Variants in SPAG16 observed in about 807,000 individuals in gnomAD.
SPAG16 encodes sperm associated antigen 16, also known as sperm-associated antigen 16 protein.
A neutral mutation model predicts 80.4 loss-of-function variants in SPAG16; 86 were observed. The ratio of observed to expected loss-of-function variants is 1.07; its 90% CI spans 0.90 to 1.28. SPAG16 has a LOEUF of 1.28. Ranked by LOEUF, SPAG16 falls within the 50% of genes most tolerant of loss-of-function variation. The pLI is 0.00. For synonymous variants in SPAG16, 294 were observed against 265.9 expected (o/e 1.11, Z -1.03); for missense variants, 870 against 765.3 (o/e 1.14, Z -1.61).
At chr2:213,830,607 G>T (rs2073578668) in intron 10 of SPAG16, among the ~76,000 whole-genome samples, 1 of 152,032 alleles carries the variant, frequency 6.6e-6, no homozygotes, top group Non-Finnish European at 1.5e-5. Flanking sequence ...TCTTTTATTA[G>T]TAAATTATTA....
chr2:213,798,634 T>G (rs1233010384), intron 10 of SPAG16, among the ~76,000 whole-genome samples: 2 of 152,176 alleles, frequency 1.3e-5, no homozygotes, highest in Non-Finnish European at 2.9e-5. Context: ...CTTGTACTTT[T>G]AATACAATCT....
chr2:213,365,838 A>G (rs901581528), intron 8 of SPAG16, among the ~76,000 whole-genome samples: 2 of 151,952 alleles, frequency 1.3e-5, no homozygotes, highest in African/African-American at 4.8e-5. Context: ...CCATAAAGGC[A>G]TCTAGTCTAA....
At chr2:213,928,073 A>G (rs570625047) in intron 11 of SPAG16, among the ~76,000 whole-genome samples, 5 of 152,196 alleles carry the variant, frequency 3.3e-5, no homozygotes, top group African/African-American at 7.2e-5. Flanking sequence ...TGAAAAATCA[A>G]TTGGATCTTC....
intron 10 of SPAG16, among the ~76,000 whole-genome samples, chr2:213,541,064 C>T (rs1435289533): frequency 6.6e-6 from 1 of 152,218 alleles, no homozygotes; most frequent in Non-Finnish European, 1.5e-5. Context: ...CTAATTCTGC[C>T]ATTGATTAGG....
At chr2:214,233,237 CTCTT>C (rs1000255333) in intron 15 of SPAG16, among the ~76,000 whole-genome samples, 3 of 151,910 alleles carry the variant, frequency 2.0e-5, no homozygotes, top group Non-Finnish European at 1.5e-5. Flanking sequence ...TGGCAATAGT[CTCTT>C]TCTTGACCTG....
intron 9 of SPAG16, among the ~76,000 whole-genome samples, chr2:213,395,321 G>A (rs1422910928): frequency 6.6e-6 from 1 of 151,868 alleles, no homozygotes; most frequent in African/African-American, 2.4e-5. Context: ...TTAAATTATT[G>A]ATTTGACTTT....
intron 12 of SPAG16, among the ~76,000 whole-genome samples, chr2:213,965,364 T>C (rs749838733): frequency 6.6e-6 from 1 of 152,208 alleles, no homozygotes; most frequent in African/African-American, 2.4e-5. Flanking sequence ...ATTTCTCACA[T>C]CTTCCTTTTA....
chr2:214,022,071 C>A (rs1254623852), intron 13 of SPAG16, among the ~76,000 whole-genome samples: 1 of 151,974 alleles, frequency 6.6e-6, no homozygotes, highest in African/African-American at 2.4e-5. Context: ...AACTTTGTAC[C>A]CCGTAGAATT....
At chr2:213,435,237 T>A (rs910789474) in intron 9 of SPAG16, among the ~76,000 whole-genome samples, 2 of 152,202 alleles carry the variant, frequency 1.3e-5, no homozygotes, top group African/African-American at 4.8e-5. Context: ...GATGTCATTG[T>A]CTTAAGTGAA....
intron 15 of SPAG16, among the ~76,000 whole-genome samples, chr2:214,153,123 A>G (rs1200811633): frequency 6.6e-6 from 1 of 151,990 alleles, no homozygotes; most frequent in Non-Finnish European, 1.5e-5. Flanking sequence ...CGGTCTGCTA[A>G]GTAGTGGGTG....
chr2:214,208,436 G>T lies in SPAG16; in HGVS notation c.1720+59170G>T, dbSNP rs527663516. Among the ~76,000 whole-genome samples the T allele has an allele frequency of 2.6e-5, 4 of 152,238 alleles. No individual in the cohort carries two copies. The South Asian group carries it at 6.2e-4, about 24-fold the overall frequency. ...GTATGGAGAATACTGATAGTCCTTG[G>T]CATGAACTGTGTAGACATGCTCAAA... On this transcript the variant is annotated intron_variant, in intron 15 of 15. Transcript: ENST00000331683.
Position 214,205,454 on chromosome 2 carries a change from A to G in SPAG16, c.1720+56188A>G, listed in dbSNP as rs574508825. Among the ~76,000 whole-genome samples the G allele has an allele frequency of 3.3e-5, 5 of 152,308 alleles. No individual in the cohort carries two copies. The South Asian group carries it at 1.0e-3, about 32-fold the overall frequency. Reference sequence around the variant, plus strand: ...AGATCCTGAAAAACATAATAATTTCATATGTTCAATTTTATATTTGTGACT... The same window carrying G: ...AGATCCTGAAAAACATAATAATTTCGTATGTTCAATTTTATATTTGTGACT... On this transcript the variant is annotated intron_variant, in intron 15 of 15. Transcript: ENST00000331683.
chr2:214,104,521 G>A (rs2053269240), intron 13 of SPAG16, among the ~76,000 whole-genome samples: 3 of 152,094 alleles, frequency 2.0e-5, no homozygotes, highest in Admixed American at 2.0e-4. Context: ...GCTGGGCAGA[G>A]TAGGGCTGTA....
chr2:213,710,925 A>G (rs1468277559), intron 10 of SPAG16, among the ~76,000 whole-genome samples: 1 of 152,254 alleles, frequency 6.6e-6, no homozygotes, highest in African/African-American at 2.4e-5. Context: ...GCAAACAGAA[A>G]GTAAACAGCA....
chr2:214,106,441 A>G (rs1247023278), intron 13 of SPAG16, among the ~76,000 whole-genome samples: 3 of 152,170 alleles, frequency 2.0e-5, no homozygotes, highest in African/African-American at 7.2e-5. Flanking sequence ...AAGTGTTTCA[A>G]TTTATTTTTG....
At chr2:213,547,672 A>T (rs1297219508) in intron 10 of SPAG16, among the ~76,000 whole-genome samples, 1 of 152,212 alleles carries the variant, frequency 6.6e-6, no homozygotes, top group African/African-American at 2.4e-5. Flanking sequence ...AACTAGGTAC[A>T]CAGTGAAATT....
intron 10 of SPAG16, among the ~76,000 whole-genome samples, chr2:213,515,819 GTTC>G (rs1205467831): frequency 2.0e-5 from 3 of 152,064 alleles, no homozygotes; most frequent in African/African-American, 7.2e-5. Flanking sequence ...CAAGAGATCT[GTTC>G]TTCATTTCCT....
chr2:214,296,844 G>A (rs922171260), intron 15 of SPAG16, among the ~76,000 whole-genome samples: 27 of 152,148 alleles, frequency 1.8e-4, no homozygotes, highest in Admixed American at 6.5e-5. Flanking sequence ...GAATGGCTTG[G>A]TGCACACCTC....
intron 10 of SPAG16, among the ~76,000 whole-genome samples, chr2:213,530,445 C>A (rs1039673024): frequency 6.6e-6 from 1 of 152,138 alleles, no homozygotes; most frequent in Non-Finnish European, 1.5e-5. Flanking sequence ...TTATGTAGCG[C>A]ATGACTGTAA....
Sources: gnomAD v4.1 joint callset for allele counts (sites outside exome capture counted in the v4.1 genomes callset) on GRCh38, gnomAD v4.1.1 for gene constraint, MANE v1.5 for transcripts, NCBI Gene and HGNC (gene_info 2026-07-23, HGNC 2026-07-21) for gene names.